RABL6: variants seen among roughly 807,000 people sequenced by gnomAD.
The protein encoded by RABL6 is RAB, member RAS oncogene family like 6.
RABL6 carries 28 observed loss-of-function variants against 72.9 expected under a neutral mutation model. The ratio of observed to expected loss-of-function variants is 0.38; its 90% CI spans 0.28 to 0.53. The LOEUF is 0.53. RABL6 is among the 20% of genes least tolerant of loss of function. The pLI is 0.80. For missense variants in RABL6, 1,029 were observed against 1,008.4 expected, an observed-to-expected ratio of 1.02 and a Z score of -0.28; for synonymous variants, 477 against 421.2, an observed-to-expected ratio of 1.13 and a Z score of -1.62.
rs144163338 is a variant in RABL6 at position 136,814,914 on chromosome 9, C to T, written c.130+6588C>T. The T allele has an allele frequency of 4.4e-4, 70 of 157,950 alleles. 1 individual carries two copies. In the South Asian group the frequency reaches 0.01, roughly 23 times the overall value. 9.8% of individuals were successfully genotyped at this position (157,950 alleles called of 1,614,324 possible). On this transcript the variant is annotated intron_variant, in intron 1 of 14. Coordinates refer to ENST00000311502, the MANE Select transcript of RABL6 (RefSeq NM_024718.5). ...TTCATCACTTCATCCTCTTCATCAT[C>T]GTCACCCTCGTCCTTGTCCTCATCA...
intron 7 of RABL6, 55 bp downstream of exon 7, chr9:136,832,425 G>A (rs919942970): frequency 2.2e-6 from 3 of 1,365,330 alleles, no homozygotes; most frequent in Non-Finnish European, 2.1e-6. Flanking sequence ...CTCCTTCCAG[G>A]TGTCTCCTGT....
intron 7 of RABL6, chr9:136,832,592 C>T (rs1848500557): frequency 4.9e-6 from 3 of 610,992 alleles, no homozygotes; most frequent in African/African-American, 3.7e-5. Flanking sequence ...AGCCCCTCCA[C>T]CTCTGCGGGG....
At chr9:136,813,483 C>T (rs553473519) in intron 1 of RABL6, 45 of 489,832 alleles carry the variant, frequency 9.2e-5, no homozygotes, top group Middle Eastern at 7.4e-4. Flanking sequence ...GGAAATAGAT[C>T]GGCCATCCAT....
intron 1 of RABL6, chr9:136,821,772 C>A: frequency 8.6e-7 from 1 of 1,159,800 alleles, no homozygotes; most frequent in South Asian, 1.6e-5. Flanking sequence ...GCGCTGCAGG[C>A]GGCCTCTGTT....
chr9:136,818,709 C>T (rs532212647), intron 1 of RABL6, among the ~76,000 whole-genome samples: 1 of 151,090 alleles, frequency 6.6e-6, no homozygotes, highest in Non-Finnish European at 1.5e-5. Flanking sequence ...TGCATCATTG[C>T]ATTCCAGCTT....
chr9:136,820,244 AGTC>A (rs1564361778), intron 1 of RABL6, among the ~76,000 whole-genome samples: 4 of 149,340 alleles, frequency 2.7e-5, no homozygotes, highest in Admixed American at 2.7e-4. Context: ...AGATGTCTGT[AGTC>A]TGAGCTACTT....
chr9:136,818,383 AAAAAAAAAAAAAAAAAAAAAAC>A (rs1848166597), intron 1 of RABL6, among the ~76,000 whole-genome samples: 3 of 127,280 alleles, frequency 2.4e-5, no homozygotes, highest in Admixed American at 7.7e-5. Context: ...AAAAAAAAAA[AAAAAAAAAAAAAAAAAAAAAAC>A]CAAAGGTAAG....
chr9:136,828,315 G>A lies in RABL6; in HGVS notation c.314-179G>A. 2 of 627,480 alleles carry A rather than the reference G, an allele frequency of 3.2e-6. 1 individual carries two copies. The highest frequency in any genetic ancestry group is 5.6e-5 in the East Asian group (2 of 35,572). 38.9% of individuals were successfully genotyped at this position (627,480 alleles called of 1,614,324 possible). On this transcript the variant is annotated intron_variant, in intron 3 of 14. Coordinates refer to ENST00000311502, the MANE Select transcript of RABL6 (RefSeq NM_024718.5). ...CCCTGCCTCCAGAGCCTACAGAGGG[G>A]CCTCGCCCAGGTCCTGCTGCTCCAG...
At chr9:136,837,747 G>T (rs1414194468) in intron 9 of RABL6, 85 bp downstream of exon 9, 1 of 1,543,032 alleles carries the variant, frequency 6.5e-7, no homozygotes, top group African/African-American at 1.4e-5. Flanking sequence ...AGCGCTCCAC[G>T]CTTCTTCCTG....
chr9:136,837,350 C>T lies in RABL6; in HGVS notation c.814C>T (p.Leu272=). The change falls in exon 9 of 15, where the codon CTG becomes TTG. Residue 272 remains leucine (L), a synonymous_variant. Coordinates refer to ENST00000311502, the MANE Select transcript of RABL6 (RefSeq NM_024718.5). ...CACCCGCCTTCTGCCTTTCAGCTTC[C>T]TGGAGATGATGGAGGCTCGCAGCCG... The part of the protein sequence containing the change: ...ETEDQNYGIF[L]EMMEARSRGH... 7.5e-6 allele frequency: 12 copies of T among 1,604,598 alleles called. 1 individual carries two copies. Among genetic ancestry groups the T allele is most frequent in the South Asian group, 1.1e-5 (1 of 89,550 alleles).
At chr9:136,825,955 G>T (rs775630845) in intron 3 of RABL6, 129 bp downstream of exon 3, 22 of 1,118,682 alleles carry the variant, frequency 2.0e-5, no homozygotes, top group Non-Finnish European at 2.7e-5. Context: ...GGGTCTTGCT[G>T]CTCTGCTCCC....
chr9:136,809,316 G>A (rs1002722078), intron 1 of RABL6: 5 of 179,666 alleles, frequency 2.8e-5, no homozygotes, highest in Non-Finnish European at 5.3e-5. Flanking sequence ...TAGTTCCTGG[G>A]GCTGGAGCTA....
intron 1 of RABL6, among the ~76,000 whole-genome samples, chr9:136,810,482 T>C (rs1847985481): frequency 1.3e-5 from 2 of 152,232 alleles, no homozygotes; most frequent in African/African-American, 2.4e-5. Flanking sequence ...TAACATGCAA[T>C]TTTAAAACTT....
intron 1 of RABL6, among the ~76,000 whole-genome samples, chr9:136,820,614 G>T (rs979779501): frequency 6.6e-6 from 1 of 152,086 alleles, no homozygotes; most frequent in Non-Finnish European, 1.5e-5. Context: ...CAGGTGATCC[G>T]CCCGCCTCGG....
In RABL6 at chr9:136,826,577, T is replaced by TA. The variant is rs780463657; in HGVS notation, c.313+752dup. ...TGGGGTGGGTTTGGCCATGGGGGGT[T>TA]AGAGGCAGGTGCTCATGCAGTTCCC... On this transcript the variant is annotated intron_variant, in intron 3 of 14. Coordinates refer to ENST00000311502, the MANE Select transcript of RABL6 (RefSeq NM_024718.5). This position sits in a 1 kb window ranked among gnomAD's most constrained non-coding sequence, Gnocchi z 4.9. 1.3e-5 allele frequency: 2 copies of TA among 152,614 alleles called. No homozygotes were observed. Among genetic ancestry groups the TA allele is most frequent in the African/African-American group, 4.8e-5 (2 of 41,520 alleles). 9.5% of individuals were successfully genotyped at this position (152,614 alleles called of 1,614,324 possible). A position where few individuals can be genotyped will look rare whatever the true frequency, so the allele number is the denominator to read the frequency against.
chr9:136,819,506 T>C (rs1848195799), intron 1 of RABL6, among the ~76,000 whole-genome samples: 1 of 152,162 alleles, frequency 6.6e-6, no homozygotes, highest in Non-Finnish European at 1.5e-5. Context: ...AATTTTTTTT[T>C]CTTTAATTTG....
chr9:136,840,172 C>T lies in RABL6; in HGVS notation c.1949C>T (p.Pro650Leu), dbSNP rs199511338. ...SSEEGKEGKT[P>L]SKEKKKKKKK... Reference sequence around the variant, plus strand: ...TGTGCAGGTAAGGAGGGCAAAACCCCCTCTAAGGAGAAGAAGAAGAAGAAG... The same window carrying T: ...TGTGCAGGTAAGGAGGGCAAAACCCTCTCTAAGGAGAAGAAGAAGAAGAAG... Residue 650 changes from proline (P) to leucine (L), a missense_variant, in exon 14 of 15, where the codon CCC becomes CTC. Pro to Leu is a moderately conservative substitution (Grantham distance 98). Around this residue, in one of 2 missense-constraint regions of RABL6, gnomAD observed 595 missense variants for 472.4 expected, o/e 1.26. Coordinates refer to ENST00000311502, the MANE Select transcript of RABL6 (RefSeq NM_024718.5). The T allele has an allele frequency of 2.2e-3, 3,582 of 1,612,824 alleles. 49 individuals carry two copies. The South Asian group carries it at 0.027, about 12-fold the overall frequency.
At chr9:136,816,601 C>T (rs1223462942) in intron 1 of RABL6, among the ~76,000 whole-genome samples, 1 of 151,680 alleles carries the variant, frequency 6.6e-6, no homozygotes, top group African/African-American at 2.4e-5. Flanking sequence ...CCTGTAATCC[C>T]AGCTACTCAG....
At position 136,825,745 on chromosome 9, in the gene RABL6, T is replaced by C. The variant is rs143555355; in HGVS notation, c.266-34T>C. ...TTTGTGCCACCTTGGGAACTTCATG[T>C]TGGGCACTAATTTTAGGATTCTCCC... is the stretch of plus-strand genomic sequence containing the variant. On this transcript the variant is annotated intron_variant, in intron 2 of 14. Transcript: ENST00000311502. 9.0e-4 allele frequency: 1,441 copies of C among 1,608,712 alleles called. 9 individuals carry two copies. In the African/African-American group the frequency reaches 0.017, roughly 19 times the overall value.
Sources: gnomAD v4.1 joint callset for allele counts (sites outside exome capture counted in the v4.1 genomes callset) on GRCh38, gnomAD v4.1.1 for gene constraint, gnomAD v4.1.1 regional missense constraint, Gnocchi (gnomAD v3.1) non-coding constraint, MANE v1.5 for transcripts, NCBI Gene and HGNC (gene_info 2026-07-23, HGNC 2026-07-21) for gene names.